Variants in CSMD1 observed in about 807,000 individuals in gnomAD.
CSMD1 encodes CUB and sushi domain-containing protein 1.
Under a neutral mutation model 417.5 loss-of-function variants are expected in CSMD1, and 213 were observed. The observed-to-expected ratio is 0.51, with a 90% CI of 0.46 to 0.57. The LOEUF (loss-of-function observed/expected upper bound fraction) is 0.57, where lower values mean the gene tolerates loss of function less well. Among genes scored for constraint, CSMD1 ranks in the 20% least tolerant of loss-of-function variants. The probability of loss-of-function intolerance (pLI) is 0.00; values close to 1 mark genes in which losing one functional copy is unlikely to be tolerated. For missense variants in CSMD1, 6,923 were observed against 4,529.7 expected, an observed-to-expected ratio of 1.53 and a Z score of -15.17; for synonymous variants, 2,862 against 1,736.8, an observed-to-expected ratio of 1.65 and a Z score of -16.11.
intron 3 of CSMD1, among the ~76,000 whole-genome samples, chr8:4,232,928 C>T (rs1402310710): frequency 1.3e-5 from 2 of 151,964 alleles, no homozygotes; most frequent in Non-Finnish European, 1.5e-5. Flanking sequence ...ATTCTTTGTT[C>T]CAAAAAGTTT....
chr8:4,037,929 G>T lies in CSMD1; in HGVS notation c.416-5830C>A, dbSNP rs569766754. On this transcript the variant is annotated intron_variant, in intron 3 of 69. Transcript: ENST00000635120. The stretch of plus-strand genomic sequence containing the variant: ...AAGCTTAGTGGGAATAGGAAAAAAA[G>T]TTTTTCAAAATTCAGTTGGACAAAA... Among the ~76,000 whole-genome samples the T allele has an allele frequency of 2.0e-5, 3 of 152,186 alleles. No individual in the cohort carries two copies. The South Asian group carries it at 6.2e-4, about 32-fold the overall frequency.
intron 3 of CSMD1, among the ~76,000 whole-genome samples, chr8:4,202,000 A>G (rs1799678730): frequency 1.3e-5 from 2 of 152,132 alleles, no homozygotes; most frequent in East Asian, 3.9e-4. Context: ...TTTGATGATT[A>G]TACTCTGGAT....
intron 2 of CSMD1, among the ~76,000 whole-genome samples, chr8:4,536,816 G>A (rs561199981): frequency 2.8e-4 from 42 of 152,124 alleles, no homozygotes; most frequent in Admixed American, 2.4e-3. Flanking sequence ...ATTAACATGC[G>A]GCCAAATTTC....
At chr8:3,190,887 T>C (rs1796378383) in intron 33 of CSMD1, among the ~76,000 whole-genome samples, 1 of 152,232 alleles carries the variant, frequency 6.6e-6, no homozygotes, top group Non-Finnish European at 1.5e-5. Flanking sequence ...TACCTTATGA[T>C]TCTACTTCTA....
At chr8:4,845,370 C>G (rs1366669929) in intron 1 of CSMD1, among the ~76,000 whole-genome samples, 1 of 152,190 alleles carries the variant, frequency 6.6e-6, no homozygotes, top group Non-Finnish European at 1.5e-5. Flanking sequence ...CCAACACACA[C>G]CATACATGGG....
intron 1 of CSMD1, among the ~76,000 whole-genome samples, chr8:4,980,662 G>C (rs892910651): frequency 5.3e-5 from 8 of 152,122 alleles, no homozygotes; most frequent in Admixed American, 6.5e-5. Context: ...TAGCACTTTG[G>C]GAGGCCAAAG....
intron 3 of CSMD1, among the ~76,000 whole-genome samples, chr8:4,165,906 T>G (rs899571657): frequency 1.3e-5 from 2 of 152,232 alleles, no homozygotes; most frequent in Non-Finnish European, 1.5e-5. Context: ...TAGCACAGTA[T>G]CAGATATATA....
intron 2 of CSMD1, among the ~76,000 whole-genome samples, chr8:4,577,128 C>G (rs543742093): frequency 6.6e-6 from 1 of 152,180 alleles, no homozygotes; most frequent in African/African-American, 2.4e-5. Context: ...TTATGCTAAT[C>G]TTCTGCAATG....
At chr8:4,060,303 A>C (rs2130734817) in intron 3 of CSMD1, among the ~76,000 whole-genome samples, 2 of 152,318 alleles carry the variant, frequency 1.3e-5, no homozygotes. Flanking sequence ...TCAGAATAAT[A>C]AGAGTTATCT....
intron 23 of CSMD1, among the ~76,000 whole-genome samples, chr8:3,326,081 C>G (rs1196490200): frequency 6.6e-6 from 1 of 152,162 alleles, no homozygotes; most frequent in Non-Finnish European, 1.5e-5. Flanking sequence ...AAACAAATCT[C>G]CCATTACAGC....
intron 3 of CSMD1, among the ~76,000 whole-genome samples, chr8:4,135,365 AAG>A (rs1803361412): frequency 2.3e-5 from 1 of 44,142 alleles, no homozygotes; most frequent in Admixed American, 3.1e-4. Context: ...GGAGGGAAGG[AAG>A]GGGAAAGTGG....
At chr8:4,183,224 GAGA>G (rs947736490) in intron 3 of CSMD1, among the ~76,000 whole-genome samples, 2 of 152,088 alleles carry the variant, frequency 1.3e-5, no homozygotes, top group African/African-American at 2.4e-5. Flanking sequence ...TTGGAAAATG[GAGA>G]AGATCATCTC....
At chr8:4,430,667 T>A (rs1235447782) in intron 2 of CSMD1, among the ~76,000 whole-genome samples, 1 of 152,136 alleles carries the variant, frequency 6.6e-6, no homozygotes, top group Admixed American at 6.6e-5. Context: ...TTGGGCAAGT[T>A]ATAATTACAG....
chr8:4,102,213 G>A (rs1327836377), intron 3 of CSMD1, among the ~76,000 whole-genome samples: 2 of 152,112 alleles, frequency 1.3e-5, no homozygotes, highest in East Asian at 3.8e-4. Context: ...TTGTAATTTA[G>A]GACTCATGCC....
chr8:4,287,868 C>T (rs1190576907), intron 3 of CSMD1, among the ~76,000 whole-genome samples: 1 of 151,988 alleles, frequency 6.6e-6, no homozygotes, highest in Non-Finnish European at 1.5e-5. Context: ...TAGGTGAAAA[C>T]AAGGGCAGTC....
At chr8:3,513,975 G>T (rs79471142) in intron 10 of CSMD1, among the ~76,000 whole-genome samples, 9,761 of 152,206 alleles carry the variant, frequency 0.064, 419 homozygotes, top group Admixed American at 0.14. Context: ...AAACAGAGAA[G>T]GTAGCAGATT....
chr8:3,798,461 C>A lies in CSMD1; in HGVS notation c.819-44419G>T, dbSNP rs537333142. On this transcript the variant is annotated intron_variant, in intron 5 of 69. Coordinates refer to ENST00000635120, the MANE Select transcript of CSMD1 (RefSeq NM_033225.6). Reference sequence around the variant, plus strand: ...ATATACTCATTTTGATTTCAGGAACCACTTGATTCATATCTTGTGGATATA... The same window carrying A: ...ATATACTCATTTTGATTTCAGGAACAACTTGATTCATATCTTGTGGATATA... Among the ~76,000 whole-genome samples, 7 of 152,066 alleles carry A rather than the reference C, an allele frequency of 4.6e-5. No individual in the cohort carries two copies. In the South Asian group the frequency reaches 8.3e-4, roughly 18 times the overall value.
At chr8:2,939,760 C>G (rs1041435192) in intron 69 of CSMD1, among the ~76,000 whole-genome samples, 1 of 152,230 alleles carries the variant, frequency 6.6e-6, no homozygotes, top group East Asian at 1.9e-4. Flanking sequence ...CAGAACAGCA[C>G]TTTGTGACTG....
At chr8:2,952,980 G>A (rs1486509535) in intron 65 of CSMD1, among the ~76,000 whole-genome samples, 1 of 152,058 alleles carries the variant, frequency 6.6e-6, no homozygotes, top group Non-Finnish European at 1.5e-5. Flanking sequence ...ACCATGATGA[G>A]GAATCACATT....
Sources: allele counts gnomAD v4.1 joint callset (sites outside exome capture counted in the v4.1 genomes callset), GRCh38; gene constraint gnomAD v4.1.1; transcripts MANE v1.5; gene names NCBI Gene and HGNC (gene_info 2026-07-23, HGNC 2026-07-21).